The following IFT88 variants were observed in gnomAD, a reference collection of about 807,000 sequenced individuals.
IFT88 encodes intraflagellar transport 88.
In IFT88, 74 loss-of-function variants were observed where a neutral mutation model predicts 119.5. That is an observed-to-expected ratio of 0.62 (90% CI 0.51 to 0.75). The LOEUF (loss-of-function observed/expected upper bound fraction) is 0.75. Among genes scored for constraint, IFT88 ranks in the 30% least tolerant of loss-of-function variants. The probability of loss-of-function intolerance (pLI) is 0.00; values close to 1 mark genes in which losing one functional copy is unlikely to be tolerated. For synonymous variants in IFT88, 279 were observed against 316.7 expected (o/e 0.88, Z 1.26); for missense variants, 961 against 977.7 (o/e 0.98, Z 0.23).
intron 20 of IFT88, among the ~76,000 whole-genome samples, chr13:20,647,804 C>T (rs560991217): frequency 1.3e-5 from 2 of 152,290 alleles, no homozygotes; most frequent in South Asian, 4.1e-4. Context: ...TATTGCCATA[C>T]TTCCCAAATT....
chr13:20,567,855 G>GT (rs954866198), intron 1 of IFT88: 173 of 897,230 alleles, frequency 1.9e-4, no homozygotes, highest in East Asian at 1.5e-3. Flanking sequence ...CTGGTTGTGA[G>GT]TTTTTTTTGT....
chr13:20,596,248 C>A lies in IFT88; in HGVS notation c.489+8C>A. ...TGTGGAGACTTAAAATTGGTAAGTT[C>A]ATAAACAAGATTCAAAATTATGAAG... On this transcript the variant is annotated splice_region_variant and intron_variant, in intron 8 of 25. Transcript: ENST00000351808. 2 of 1,342,354 alleles carry A rather than the reference C, an allele frequency of 1.5e-6. No homozygotes were observed. The highest frequency in any genetic ancestry group is 2.7e-5 in the South Asian group (2 of 74,252). The allele number at this position is 1,342,354 out of a possible 1,614,324, so 83.2% of individuals were successfully genotyped here.
Position 20,622,175 on chromosome 13 carries a change from C to G in IFT88, c.1200-3575C>G, listed in dbSNP as rs548890142. Among the ~76,000 whole-genome samples, 378 of 152,240 alleles carry G rather than the reference C, an allele frequency of 2.5e-3. 1 individual carries two copies. The highest frequency in any genetic ancestry group is 4.0e-3 in the Non-Finnish European group (274 of 68,026). On this transcript the variant is annotated intron_variant, in intron 14 of 25. Transcript: ENST00000351808. ...TCCTCCAATGAGCATTTTCTTTGAG[C>G]ATCATATTATGTCTGTGCTCAAAAA...
intron 22 of IFT88, among the ~76,000 whole-genome samples, chr13:20,662,325 A>T (rs777858543): frequency 2.9e-4 from 44 of 152,100 alleles, no homozygotes; most frequent in Non-Finnish European, 5.1e-4. Flanking sequence ...CCTACCGACC[A>T]AAAAAAGTCC....
At chr13:20,687,427 A>C (rs2058054934) in intron 24 of IFT88, among the ~76,000 whole-genome samples, 1 of 152,142 alleles carries the variant, frequency 6.6e-6, no homozygotes, top group Non-Finnish European at 1.5e-5. Context: ...TCCTTTGCTA[A>C]AGAGGCACTA....
intron 11 of IFT88, 139 bp downstream of exon 11, chr13:20,599,704 G>T: frequency 1.8e-6 from 1 of 551,712 alleles, no homozygotes; most frequent in Non-Finnish European, 3.2e-6. Flanking sequence ...ATTTTGATCT[G>T]TTCCCTTCTT....
intron 2 of IFT88, 39 bp from the exon 3 acceptor site, chr13:20,582,918 T>TA: frequency 6.6e-7 from 1 of 1,509,820 alleles, no homozygotes; most frequent in East Asian, 2.3e-5. Flanking sequence ...CCCCAATTCT[T>TA]ACTCTGTGTT....
chr13:20,683,007 G>T (rs1373244782), intron 24 of IFT88, among the ~76,000 whole-genome samples: 1 of 152,226 alleles, frequency 6.6e-6, no homozygotes, highest in Non-Finnish European at 1.5e-5. Context: ...CCTGGCTGCA[G>T]TGCCCTCATA....
intron 20 of IFT88, among the ~76,000 whole-genome samples, chr13:20,646,336 T>C (rs1839838151): frequency 6.6e-6 from 1 of 151,540 alleles, no homozygotes; most frequent in African/African-American, 2.4e-5. Context: ...GGAGTCTTGC[T>C]TTGTCGCCCA....
At chr13:20,589,899 G>T in intron 4 of IFT88, 32 bp downstream of exon 4, 1 of 1,345,322 alleles carries the variant, frequency 7.4e-7, no homozygotes, top group South Asian at 1.2e-5. Flanking sequence ...ATATTAAGAT[G>T]CTTTTTCTCA....
chr13:20,585,340 AG>A (rs2039473413), intron 3 of IFT88, among the ~76,000 whole-genome samples: 1 of 152,208 alleles, frequency 6.6e-6, no homozygotes, highest in South Asian at 2.1e-4. Context: ...ATCATGGGAA[AG>A]ATACAAATTA....
intron 2 of IFT88, among the ~76,000 whole-genome samples, chr13:20,578,535 A>G (rs985637575): frequency 2.6e-5 from 4 of 151,250 alleles, no homozygotes; most frequent in African/African-American, 9.7e-5. Context: ...TGATCCTTCA[A>G]ATTTCTGGTT....
chr13:20,657,762 A>AAAATAAATAAATAAAT (rs532121643), intron 22 of IFT88, among the ~76,000 whole-genome samples: 21 of 151,152 alleles, frequency 1.4e-4, no homozygotes, highest in Middle Eastern at 3.4e-3. Flanking sequence ...ATTCTGTCTC[A>AAAATAAATAAATAAAT]AAATAAATAA....
intron 24 of IFT88, among the ~76,000 whole-genome samples, chr13:20,675,654 A>G (rs962884739): frequency 2.6e-5 from 4 of 152,220 alleles, no homozygotes; most frequent in African/African-American, 9.6e-5. Flanking sequence ...ATCTACCGAG[A>G]ATATTCCACT....
chr13:20,641,852 C>T (rs2050012852), intron 18 of IFT88: 1 of 153,864 alleles, frequency 6.5e-6, no homozygotes, highest in Admixed American at 6.4e-5. Context: ...ATGAGGTCTC[C>T]AAAGACTGTT....
At chr13:20,666,922 T>C (rs960328620) in intron 23 of IFT88, among the ~76,000 whole-genome samples, 1 of 152,196 alleles carries the variant, frequency 6.6e-6, no homozygotes, top group Non-Finnish European at 1.5e-5. Context: ...TATCAACACA[T>C]ATATTTTTAA....
At chr13:20,645,047 A>G in intron 20 of IFT88, 89 bp downstream of exon 20, 1 of 568,724 alleles carries the variant, frequency 1.8e-6, no homozygotes, top group South Asian at 2.8e-5. Flanking sequence ...GACCTAGTAA[A>G]TTCAAGAACA....
chr13:20,600,083 G>T (rs2042353442), intron 11 of IFT88, among the ~76,000 whole-genome samples: 1 of 152,186 alleles, frequency 6.6e-6, no homozygotes, highest in African/African-American at 2.4e-5. Context: ...GATATTTACT[G>T]ATCATAATTT....
chr13:20,582,932 T>A, intron 2 of IFT88, 25 bp from the exon 3 acceptor site: 1 of 1,590,678 alleles, frequency 6.3e-7, no homozygotes, highest in Non-Finnish European at 8.6e-7. Flanking sequence ...CTGTGTTGAA[T>A]GTTAAATTTG....
Sources: gnomAD v4.1 joint callset for allele counts (sites outside exome capture counted in the v4.1 genomes callset) on GRCh38, gnomAD v4.1.1 for gene constraint, MANE v1.5 for transcripts, NCBI Gene and HGNC (gene_info 2026-07-23, HGNC 2026-07-21) for gene names.